Variants in RNF111 observed in about 807,000 individuals in gnomAD.
The protein encoded by RNF111 is E3 ubiquitin-protein ligase Arkadia.
In RNF111, 17 loss-of-function variants were observed where a neutral mutation model predicts 95.1. The ratio of observed to expected loss-of-function variants is 0.18; its 90% CI spans 0.12 to 0.27. The LOEUF (loss-of-function observed/expected upper bound fraction) is 0.27. Among genes scored for constraint, RNF111 ranks in the 10% least tolerant of loss-of-function variants. The pLI is 1.00. For missense variants in RNF111, 1,189 were observed against 1,210.4 expected, an observed-to-expected ratio of 0.98 and a Z score of 0.26; for synonymous variants, 440 against 414.8, an observed-to-expected ratio of 1.06 and a Z score of -0.74.
At chr15:59,074,898 C>G (rs1442077063) in intron 6 of RNF111, among the ~76,000 whole-genome samples, 1 of 152,106 alleles carries the variant, frequency 6.6e-6, no homozygotes, top group Non-Finnish European at 1.5e-5. Flanking sequence ...CACTTCAATA[C>G]CAGAGGCCAT....
At chr15:59,058,863 G>A (rs1004386751) in intron 5 of RNF111, among the ~76,000 whole-genome samples, 3 of 152,126 alleles carry the variant, frequency 2.0e-5, no homozygotes, top group East Asian at 3.8e-4. Context: ...TAGAACTTTC[G>A]TGCATTAAAG....
rs773111264 is a variant in RNF111 at position 59,066,744 on chromosome 15, G to A, written c.1367-20G>A. 15 of 1,592,008 alleles carry A rather than the reference G, an allele frequency of 9.4e-6. No individual in the cohort carries two copies. The South Asian group carries it at 1.6e-4, about 17-fold the overall frequency. ...ATATTTCATGATTTGATTATTCTGT[G>A]CATTTTTTTCTGTTTCAAGATGACT... is the stretch of plus-strand genomic sequence containing the variant. On this transcript the variant is annotated intron_variant, in intron 5 of 13. Coordinates refer to ENST00000348370, the MANE Select transcript of RNF111 (RefSeq NM_017610.8).
At chr15:59,028,962 T>C (rs1204316001) in intron 1 of RNF111, among the ~76,000 whole-genome samples, 7 of 152,024 alleles carry the variant, frequency 4.6e-5, no homozygotes, top group African/African-American at 1.7e-4. Context: ...GTATTTTTAG[T>C]AGAGATGGGG....
At chr15:59,010,449 T>C (rs564746196) in intron 1 of RNF111, among the ~76,000 whole-genome samples, 21 of 152,226 alleles carry the variant, frequency 1.4e-4, no homozygotes, top group Middle Eastern at 3.4e-3. Flanking sequence ...TCGCCCAGGC[T>C]GGAGTGCAGT....
intron 1 of RNF111, among the ~76,000 whole-genome samples, chr15:59,017,753 C>CTTTTTTTTTTTTTT (rs200975904): frequency 5.8e-5 from 7 of 120,960 alleles, no homozygotes; most frequent in Middle Eastern, 4.5e-3. Context: ...TTGTTGAACT[C>CTTTTTTTTTTTTTT]TTTTTTTTTT....
At chr15:59,041,287 G>A (rs2041437244) in intron 2 of RNF111, among the ~76,000 whole-genome samples, 1 of 152,096 alleles carries the variant, frequency 6.6e-6, no homozygotes, top group Admixed American at 6.6e-5. Flanking sequence ...CCCGTGCAGT[G>A]GCTCACGCCT....
chr15:59,089,806 C>A (rs762100202), intron 11 of RNF111, 47 bp downstream of exon 11: 9 of 1,280,236 alleles, frequency 7.0e-6, no homozygotes, highest in Non-Finnish European at 1.0e-5. Flanking sequence ...ATCTTTAATG[C>A]AGATTGAGTA....
At chr15:59,064,379 C>A (rs1322436301) in intron 5 of RNF111, among the ~76,000 whole-genome samples, 1 of 151,466 alleles carries the variant, frequency 6.6e-6, no homozygotes, top group Non-Finnish European at 1.5e-5. Flanking sequence ...ACTAAAAATA[C>A]AAAAAAATTA....
chr15:58,991,062 G>T (rs1163581446), intron 1 of RNF111, among the ~76,000 whole-genome samples: 2 of 152,036 alleles, frequency 1.3e-5, no homozygotes, highest in African/African-American at 2.4e-5. Context: ...TTGGGAAGCC[G>T]AGGCGGGTAG....
chr15:59,038,059 T>A (rs1281634730), intron 2 of RNF111, among the ~76,000 whole-genome samples: 3 of 152,200 alleles, frequency 2.0e-5, no homozygotes, highest in African/African-American at 7.2e-5. Context: ...TGAAAAAATG[T>A]TAATTTAGAG....
chr15:59,065,260 C>T (rs1397518670), intron 5 of RNF111, among the ~76,000 whole-genome samples: 3 of 152,096 alleles, frequency 2.0e-5, no homozygotes, highest in African/African-American at 4.8e-5. Context: ...TTTTAAAAAT[C>T]TCTTTTATAT....
At chr15:59,045,168 G>GTTTTTTTTTTTTAAGTGTTTCCTCTTT (rs5812960) in intron 2 of RNF111, among the ~76,000 whole-genome samples, 2 of 143,532 alleles carry the variant, frequency 1.4e-5, no homozygotes, top group East Asian at 2.0e-4. Flanking sequence ...ATTTTTTACA[G>GTTTTTTTTTTTTAAGTGTTTCCTCTTT]TTTTTTTTTT....
At chr15:59,002,534 C>T (rs1228723415) in intron 1 of RNF111, among the ~76,000 whole-genome samples, 1 of 149,492 alleles carries the variant, frequency 6.7e-6, no homozygotes, top group African/African-American at 2.5e-5. Flanking sequence ...GAGTGAAAGC[C>T]CTCATAACTG....
At chr15:59,071,055 T>C (rs1375325232) in intron 6 of RNF111, among the ~76,000 whole-genome samples, 1 of 151,984 alleles carries the variant, frequency 6.6e-6, no homozygotes, top group Non-Finnish European at 1.5e-5. Flanking sequence ...CCCAGCACTT[T>C]GGGAGGCTGA....
chr15:59,085,826 G>A, intron 10 of RNF111, 41 bp downstream of exon 10: 1 of 1,568,346 alleles, frequency 6.4e-7, no homozygotes, highest in Non-Finnish European at 8.7e-7. Context: ...TGTTCTAAAA[G>A]TTCCTTTTCT....
chr15:59,025,800 G>T (rs955067482), intron 1 of RNF111, among the ~76,000 whole-genome samples: 1 of 151,184 alleles, frequency 6.6e-6, no homozygotes, highest in Non-Finnish European at 1.5e-5. Context: ...GCGCGATCTC[G>T]GCTCACCGCA....
chr15:58,991,502 A>G (rs933568437), intron 1 of RNF111, among the ~76,000 whole-genome samples: 5 of 152,174 alleles, frequency 3.3e-5, no homozygotes, highest in Non-Finnish European at 5.9e-5. Context: ...AGGTAGTGGT[A>G]AGTGCCATGA....
chr15:59,003,017 G>A (rs2039391699), intron 1 of RNF111, among the ~76,000 whole-genome samples: 1 of 152,122 alleles, frequency 6.6e-6, no homozygotes, highest in Non-Finnish European at 1.5e-5. Flanking sequence ...ATCTCATTAT[G>A]TTGCCAGCGC....
At chr15:59,037,903 T>C (rs994823607) in intron 2 of RNF111, among the ~76,000 whole-genome samples, 21 of 152,218 alleles carry the variant, frequency 1.4e-4, no homozygotes, top group Admixed American at 2.0e-4. Flanking sequence ...ATGTCAAATA[T>C]GCTCCTAAAT....
Sources: gnomAD v4.1 joint callset for allele counts (sites outside exome capture counted in the v4.1 genomes callset) on GRCh38, gnomAD v4.1.1 for gene constraint, MANE v1.5 for transcripts, NCBI Gene and HGNC (gene_info 2026-07-23, HGNC 2026-07-21) for gene names.